NFATC2: variants seen among roughly 807,000 people sequenced by gnomAD.
NFATC2 encodes the protein nuclear factor of activated T-cells, cytoplasmic 2.
In NFATC2, 22 loss-of-function variants were observed where a neutral mutation model predicts 87.3. The ratio of observed to expected loss-of-function variants is 0.25; its 90% CI spans 0.18 to 0.36. The LOEUF (loss-of-function observed/expected upper bound fraction) is 0.36, where lower values mean the gene tolerates loss of function less well. Ranked by LOEUF, NFATC2 falls within the 10% of genes least tolerant of loss-of-function variation. NFATC2 has a pLI of 1.00. For synonymous variants in NFATC2, 565 were observed against 542.2 expected (o/e 1.04, Z -0.58); for missense variants, 1,149 against 1,259.1 (o/e 0.91, Z 1.32).
intron 9 of NFATC2, chr20:51,398,947 G>A (rs558024656): frequency 7.6e-6 from 4 of 529,664 alleles, no homozygotes; most frequent in Middle Eastern, 4.7e-4. Context: ...TCTGTGCAAA[G>A]TGCATTACAT....
chr20:51,483,586 T>G (rs1351076095), intron 3 of NFATC2, among the ~76,000 whole-genome samples: 1 of 151,076 alleles, frequency 6.6e-6, no homozygotes, highest in Admixed American at 6.6e-5. Flanking sequence ...CCTGCCATCC[T>G]AACCCCACCT....
chr20:51,548,591 C>A (rs1243680559), intron 1 of NFATC2, among the ~76,000 whole-genome samples: 2 of 152,198 alleles, frequency 1.3e-5, no homozygotes, highest in Non-Finnish European at 2.9e-5. Flanking sequence ...GTATGTGGGA[C>A]AGACATAAAC....
intron 5 of NFATC2, among the ~76,000 whole-genome samples, chr20:51,461,398 G>C (rs1987132768): frequency 6.6e-6 from 1 of 152,190 alleles, no homozygotes; most frequent in Non-Finnish European, 1.5e-5. Context: ...TCAGGCCTGC[G>C]GGTGAAGTCT....
chr20:51,472,556 A>C (rs1988306648), intron 5 of NFATC2, among the ~76,000 whole-genome samples: 1 of 152,172 alleles, frequency 6.6e-6, no homozygotes, highest in East Asian at 1.9e-4. Context: ...AAATGTTCTT[A>C]GAAGAAAGAG....
In NFATC2 at chr20:51,390,707, T is replaced by C. The variant is rs997229580; in HGVS notation, c.*789A>G. 11 of 153,798 alleles carry C rather than the reference T, an allele frequency of 7.2e-5. No individual in the cohort carries two copies. Among genetic ancestry groups the C allele is most frequent in the African/African-American group, 2.7e-4 (11 of 41,388 alleles). The allele number at this position is 153,798 out of a possible 1,614,324, so 9.5% of individuals were successfully genotyped here. ...CCTTTTAAAGCAGAAAAAATAATAA[T>C]AACAAACGCGTATACATGTCATAAC... is the stretch of plus-strand genomic sequence containing the variant. On this transcript the variant is annotated 3_prime_UTR_variant, in exon 11 of 11. Coordinates refer to ENST00000371564, the MANE Select transcript of NFATC2 (RefSeq NM_012340.5).
chr20:51,466,843 G>A (rs912389326), intron 5 of NFATC2, among the ~76,000 whole-genome samples: 2 of 152,050 alleles, frequency 1.3e-5, no homozygotes, highest in Non-Finnish European at 2.9e-5. Context: ...AGGCCGAGGC[G>A]GGCAGATCGC....
intron 1 of NFATC2, among the ~76,000 whole-genome samples, chr20:51,552,970 G>A (rs376256026): frequency 5.3e-5 from 8 of 151,676 alleles, no homozygotes; most frequent in Admixed American, 2.0e-4. Context: ...TCTCCCTCCC[G>A]CACCTTCCTG....
intron 2 of NFATC2, among the ~76,000 whole-genome samples, chr20:51,520,715 C>T (rs1006857797): frequency 6.6e-6 from 1 of 151,848 alleles, no homozygotes; most frequent in African/African-American, 2.4e-5. Context: ...GACTGGAGTG[C>T]AATGGCACCA....
chr20:51,405,246 C>G (rs1988445323), intron 9 of NFATC2, among the ~76,000 whole-genome samples: 1 of 152,196 alleles, frequency 6.6e-6, no homozygotes, highest in East Asian at 1.9e-4. Context: ...CCAACCCACC[C>G]TCCACCACTA....
chr20:51,557,728 G>A (rs1386504359), intron 1 of NFATC2, among the ~76,000 whole-genome samples: 3 of 152,170 alleles, frequency 2.0e-5, no homozygotes, highest in African/African-American at 7.2e-5. Context: ...ACAAGCCACA[G>A]AACTTCTCCT....
rs565210869 is a variant in NFATC2 at position 51,468,510 on chromosome 20, A to C, written c.1708+5470T>G. On this transcript the variant is annotated intron_variant, in intron 5 of 10. Transcript: ENST00000371564. ...ACGTGTTTTCTGAAATACACGGAGC[A>C]GAGAGGCCCATCTGCTGGGCAGGGA... is the stretch of plus-strand genomic sequence containing the variant. Among the ~76,000 whole-genome samples, 12 of 152,346 alleles carry C rather than the reference A, an allele frequency of 7.9e-5. No individual in the cohort carries two copies. In the East Asian group the frequency reaches 1.2e-3, roughly 15 times the overall value.
At chr20:51,540,799 C>T (rs572526331) in intron 1 of NFATC2, among the ~76,000 whole-genome samples, 4 of 151,710 alleles carry the variant, frequency 2.6e-5, no homozygotes, top group East Asian at 1.9e-4. Context: ...ACTATTTCCC[C>T]GGAAATCCCC....
At chr20:51,561,490 AGCAAGC>A (rs1442364673) in intron 1 of NFATC2, among the ~76,000 whole-genome samples, 1 of 95,336 alleles carries the variant, frequency 1.0e-5, no homozygotes, top group Non-Finnish European at 2.2e-5. Context: ...AAAGAAAGCA[AGCAAGC>A]AAGCAAGCAA....
chr20:51,543,596 T>C (rs1385942149), upstream of NFATC2, among the ~76,000 whole-genome samples: 1 of 152,156 alleles, frequency 6.6e-6, no homozygotes, highest in Non-Finnish European at 1.5e-5. Flanking sequence ...ACAGTTCTGA[T>C]GGGGCGGTTG....
In NFATC2 at chr20:51,448,797, C is replaced by CA. The variant is rs987712489; in HGVS notation, c.1849+5750dup. On this transcript the variant is annotated intron_variant, in intron 6 of 10. Transcript: ENST00000371564. ...TATGGCCAAGTGGCAGGGAGAGAGT[C>CA]AAAAAAGCTGAGGTCAGAGCCAGAT... Among the ~76,000 whole-genome samples, 10 of 152,136 alleles carry CA rather than the reference C, an allele frequency of 6.6e-5. 1 individual carries two copies. Among genetic ancestry groups the CA allele is most frequent in the African/African-American group, 2.2e-4 (9 of 41,502 alleles).
intron 1 of NFATC2, among the ~76,000 whole-genome samples, chr20:51,549,072 C>T (rs939292125): frequency 2.0e-5 from 3 of 152,076 alleles, no homozygotes; most frequent in Non-Finnish European, 4.4e-5. Flanking sequence ...ATGGAAGGAT[C>T]GCTCAAGCCC....
chr20:51,413,175 G>A (rs1007229992), intron 9 of NFATC2, among the ~76,000 whole-genome samples: 2 of 151,816 alleles, frequency 1.3e-5, no homozygotes, highest in Non-Finnish European at 2.9e-5. Flanking sequence ...TTTTCTCACC[G>A]GCCCAGTGGC....
intron 9 of NFATC2, among the ~76,000 whole-genome samples, chr20:51,404,893 TCA>T (rs1361875136): frequency 6.6e-6 from 1 of 152,154 alleles, no homozygotes; most frequent in Non-Finnish European, 1.5e-5. Flanking sequence ...GACAGCAGAC[TCA>T]CAAGCACCCT....
chr20:51,543,220 A>C (rs371624002), upstream of NFATC2, among the ~76,000 whole-genome samples: 6 of 152,296 alleles, frequency 3.9e-5, no homozygotes, highest in East Asian at 1.9e-4. Context: ...GACTGACAGC[A>C]CTAGTCCCCC....
Sources: allele counts gnomAD v4.1 joint callset (sites outside exome capture counted in the v4.1 genomes callset), GRCh38; gene constraint gnomAD v4.1.1; transcripts MANE v1.5; gene names NCBI Gene and HGNC (gene_info 2026-07-23, HGNC 2026-07-21).